NCKAP5: variants seen among roughly 807,000 people sequenced by gnomAD.
NCKAP5 encodes the protein nck-associated protein 5.
In NCKAP5, 92 loss-of-function variants were observed where a neutral mutation model predicts 167.0. The observed-to-expected ratio is 0.55, with a 90% CI of 0.47 to 0.66. The LOEUF is 0.66. Among genes scored for constraint, NCKAP5 ranks in the 30% least tolerant of loss-of-function variants. NCKAP5 has a pLI of 0.00. For missense variants in NCKAP5, 2,378 were observed against 2,315.0 expected, an observed-to-expected ratio of 1.03 and a Z score of -0.56; for synonymous variants, 891 against 877.4, an observed-to-expected ratio of 1.02 and a Z score of -0.27.
At chr2:133,022,285 T>C (rs2078554493) in intron 6 of NCKAP5, among the ~76,000 whole-genome samples, 1 of 152,176 alleles carries the variant, frequency 6.6e-6, no homozygotes, top group East Asian at 1.9e-4. Context: ...GTAAAAGAAA[T>C]TGACATCTAC....
chr2:133,562,551 C>T (rs1297468477), intron 1 of NCKAP5, among the ~76,000 whole-genome samples: 1 of 152,130 alleles, frequency 6.6e-6, no homozygotes, highest in Non-Finnish European at 1.5e-5. Flanking sequence ...CACTTGTTCC[C>T]ACATTTCAGA....
At chr2:132,975,077 T>C (rs535724799) in intron 7 of NCKAP5, among the ~76,000 whole-genome samples, 3 of 152,370 alleles carry the variant, frequency 2.0e-5, no homozygotes, top group Admixed American at 6.5e-5. Context: ...CAGGGATTGC[T>C]AGCAGCTTTT....
At chr2:133,467,977 AT>A (rs913497616) in intron 3 of NCKAP5, among the ~76,000 whole-genome samples, 5 of 119,942 alleles carry the variant, frequency 4.2e-5, no homozygotes, top group African/African-American at 1.4e-4. Flanking sequence ...GGATTCATTA[AT>A]TTTTTGAAGG....
chr2:133,345,605 A>G (rs887049801), intron 3 of NCKAP5, among the ~76,000 whole-genome samples: 3 of 152,214 alleles, frequency 2.0e-5, no homozygotes, highest in African/African-American at 7.2e-5. Context: ...GATTTCTTTT[A>G]AGGTGTAAAC....
At position 133,567,657 on chromosome 2, in the gene NCKAP5, C is replaced by CTGTGTGTGTGTGTG. The variant is rs3050985; in HGVS notation, c.-130+545_-130+558dup. Among the ~76,000 whole-genome samples, 699 of 130,928 alleles carry CTGTGTGTGTGTGTG rather than the reference C, an allele frequency of 5.3e-3. 7 individuals carry two copies. The highest frequency in any genetic ancestry group is 0.023 in the Middle Eastern group (6 of 258). 85.9% of individuals were successfully genotyped at this position (130,928 alleles called of 152,430 possible). A position where few individuals can be genotyped will look rare whatever the true frequency, so the allele number is the denominator to read the frequency against. On this transcript the variant is annotated intron_variant, in intron 1 of 19. Transcript: ENST00000409261. ...TACACATTCCTGAGGATGAATGAGC[C>CTGTGTGTGTGTGTG]TGTGTGTGTGTGTGTGTGTGTGTGT...
chr2:133,274,210 A>G (rs2089636384), intron 4 of NCKAP5, among the ~76,000 whole-genome samples: 1 of 151,992 alleles, frequency 6.6e-6, no homozygotes, highest in Non-Finnish European at 1.5e-5. Context: ...ATAAAAGAAC[A>G]ATATACCAAA....
chr2:132,913,604 T>C (rs1469464662), intron 8 of NCKAP5, among the ~76,000 whole-genome samples: 2 of 152,144 alleles, frequency 1.3e-5, no homozygotes, highest in Non-Finnish European at 2.9e-5. Flanking sequence ...GTTCTTAGCA[T>C]TATAGATGTA....
At chr2:133,580,717 A>G in the NCKAP5 span, among the ~76,000 whole-genome samples, 1 of 152,232 alleles carries the variant, frequency 6.6e-6, no homozygotes, top group Non-Finnish European at 1.5e-5. Flanking sequence ...GACGCAGTGC[A>G]CAGGTCCTCA....
intron 9 of NCKAP5, among the ~76,000 whole-genome samples, chr2:132,872,138 A>G (rs1204429796): frequency 6.6e-6 from 1 of 152,228 alleles, no homozygotes; most frequent in African/African-American, 2.4e-5. Flanking sequence ...CTTGAAGCAC[A>G]CTGGAAAAAC....
At chr2:133,616,773 A>G in the NCKAP5 span, among the ~76,000 whole-genome samples, 4 of 152,226 alleles carry the variant, frequency 2.6e-5, no homozygotes, top group African/African-American at 9.6e-5. Context: ...ATCAATAGAA[A>G]AAGAGGGAAT....
the NCKAP5 span, among the ~76,000 whole-genome samples, chr2:133,604,589 C>T: frequency 6.6e-6 from 1 of 152,098 alleles, no homozygotes; most frequent in African/African-American, 2.4e-5. Context: ...TACTTGTTAT[C>T]ACCGAGAGAA....
chr2:133,219,797 A>C (rs2086584230), intron 4 of NCKAP5, among the ~76,000 whole-genome samples: 1 of 152,102 alleles, frequency 6.6e-6, no homozygotes, highest in African/African-American at 2.4e-5. Context: ...GGAAGTGGTG[A>C]AGTTCTTGAC....
At chr2:133,551,324 C>A (rs1687273335) in intron 2 of NCKAP5, among the ~76,000 whole-genome samples, 1 of 148,336 alleles carries the variant, frequency 6.7e-6, no homozygotes, top group African/African-American at 2.5e-5. Flanking sequence ...GGAGGCATCA[C>A]ACTACCTGAC....
chr2:133,369,040 G>A (rs1685628275), intron 3 of NCKAP5, among the ~76,000 whole-genome samples: 1 of 152,192 alleles, frequency 6.6e-6, no homozygotes. Flanking sequence ...ATATGCTAGA[G>A]AGTAGGAGAA....
chr2:133,591,340 C>T, the NCKAP5 span, among the ~76,000 whole-genome samples: 1 of 152,216 alleles, frequency 6.6e-6, no homozygotes, highest in African/African-American at 2.4e-5. Context: ...ACTGAAGTCA[C>T]GTGCCTCAGA....
At chr2:133,038,330 A>G (rs1384658225) in intron 6 of NCKAP5, among the ~76,000 whole-genome samples, 1 of 152,204 alleles carries the variant, frequency 6.6e-6, no homozygotes, top group East Asian at 1.9e-4. Flanking sequence ...ACGTGTATGG[A>G]ACTGGAGATC....
intron 3 of NCKAP5, among the ~76,000 whole-genome samples, chr2:133,353,344 C>A (rs1684492190): frequency 6.6e-6 from 1 of 152,138 alleles, no homozygotes; most frequent in African/African-American, 2.4e-5. Context: ...ACCCTCTGCT[C>A]CCAGTTTTCC....
At chr2:132,825,761 G>A (rs917119596) in intron 11 of NCKAP5, among the ~76,000 whole-genome samples, 66 of 152,176 alleles carry the variant, frequency 4.3e-4, no homozygotes, top group Admixed American at 4.2e-3. Context: ...ATTTATGCTG[G>A]CAAAACTGTT....
chr2:133,404,782 TC>T (rs1178198273), intron 3 of NCKAP5, among the ~76,000 whole-genome samples: 3 of 152,250 alleles, frequency 2.0e-5, no homozygotes, highest in Non-Finnish European at 4.4e-5. Context: ...TCAGGTCTTT[TC>T]TTTCACTAAG....
Sources: allele counts gnomAD v4.1 joint callset (sites outside exome capture counted in the v4.1 genomes callset), GRCh38; gene constraint gnomAD v4.1.1; transcripts MANE v1.5; gene names NCBI Gene and HGNC (gene_info 2026-07-23, HGNC 2026-07-21).